The following CCDC102B variants were observed in gnomAD, a reference collection of about 807,000 sequenced individuals.
The protein encoded by CCDC102B is coiled-coil domain containing 102B.
CCDC102B carries 75 observed loss-of-function variants against 57.4 expected under a neutral mutation model. The ratio of observed to expected loss-of-function variants is 1.31; its 90% CI spans 1.08 to 1.58. The LOEUF (loss-of-function observed/expected upper bound fraction) is 1.58. Ranked by LOEUF, CCDC102B falls within the 40% of genes most tolerant of loss-of-function variation. The pLI is 0.00. For missense variants in CCDC102B, 636 were observed against 582.6 expected (o/e 1.09, Z -0.94); for synonymous variants, 206 against 201.9 (o/e 1.02, Z -0.17).
intron 6 of CCDC102B, among the ~76,000 whole-genome samples, chr18:68,939,701 C>A (rs1281428714): frequency 1.3e-5 from 2 of 151,726 alleles, no homozygotes; most frequent in African/African-American, 4.8e-5. Flanking sequence ...CAATTTTTTT[C>A]ATTGTATTTT....
At chr18:68,764,494 A>G (rs900235169) in intron 2 of CCDC102B, among the ~76,000 whole-genome samples, 1 of 152,146 alleles carries the variant, frequency 6.6e-6, no homozygotes, top group Non-Finnish European at 1.5e-5. Flanking sequence ...TTTAAATTCC[A>G]AAGTTCTTTA....
intron 7 of CCDC102B, among the ~76,000 whole-genome samples, chr18:69,048,247 C>A (rs2052615882): frequency 6.6e-6 from 1 of 150,794 alleles, no homozygotes. Flanking sequence ...AGTAGGTATA[C>A]AGGTGAGAAG....
chr18:68,983,981 T>C (rs763183178), intron 6 of CCDC102B, among the ~76,000 whole-genome samples: 12 of 151,748 alleles, frequency 7.9e-5, no homozygotes, highest in Non-Finnish European at 1.6e-4. Flanking sequence ...CAAAAGAAAT[T>C]TGGAAGGAGT....
chr18:68,816,686 G>A (rs1180562452), intron 1 of CCDC102B, among the ~76,000 whole-genome samples: 3 of 151,940 alleles, frequency 2.0e-5, no homozygotes, highest in Non-Finnish European at 2.9e-5. Context: ...GGATGGTCTC[G>A]ATAACCTGAC....
intron 6 of CCDC102B, among the ~76,000 whole-genome samples, chr18:68,911,612 C>T (rs371946537): frequency 0.032 from 4,761 of 149,404 alleles, 113 homozygotes; most frequent in Middle Eastern, 0.044. Context: ...ATTAGCCGGG[C>T]GTGGTGGCGG....
intron 6 of CCDC102B, among the ~76,000 whole-genome samples, chr18:68,998,558 A>G (rs992615635): frequency 4.0e-5 from 6 of 148,388 alleles, no homozygotes; most frequent in Non-Finnish European, 8.9e-5. Context: ...CTGCAAGCTG[A>G]GGAGCAAGGA....
chr18:68,835,942 A>G (rs2037348091), intron 1 of CCDC102B, among the ~76,000 whole-genome samples: 1 of 152,182 alleles, frequency 6.6e-6, no homozygotes, highest in Admixed American at 6.5e-5. Flanking sequence ...AGACTAGTCA[A>G]TAGTCAACAG....
downstream of CCDC102B, chr18:69,055,193 C>T (rs1599913362): frequency 1.0e-6 from 1 of 952,744 alleles, no homozygotes; most frequent in Admixed American, 6.2e-5. Flanking sequence ...CAGAGTCTCT[C>T]ATTGTAAAAG....
chr18:68,810,676 CTT>C (rs1171476369), intron 1 of CCDC102B, among the ~76,000 whole-genome samples: 1 of 57,436 alleles, frequency 1.7e-5, no homozygotes, highest in Non-Finnish European at 4.1e-5. Context: ...CTTTTCTTTT[CTT>C]TGTTTTTTTT....
At chr18:68,945,039 G>C (rs1240249420) in intron 6 of CCDC102B, among the ~76,000 whole-genome samples, 1 of 151,536 alleles carries the variant, frequency 6.6e-6, no homozygotes, top group East Asian at 2.0e-4. Flanking sequence ...ACAGATGCCA[G>C]CGTGTTATCT....
chr18:69,050,323 T>C (rs1057332592), intron 7 of CCDC102B, among the ~76,000 whole-genome samples: 3 of 152,204 alleles, frequency 2.0e-5, no homozygotes, highest in African/African-American at 7.2e-5. Context: ...TCATTTCTGC[T>C]TCATCTTAGT....
chr18:69,042,282 A>G (rs765658096), intron 7 of CCDC102B, among the ~76,000 whole-genome samples: 21 of 152,150 alleles, frequency 1.4e-4, no homozygotes, highest in Non-Finnish European at 2.5e-4. Flanking sequence ...AAACTGGCAG[A>G]TGAAAAACTT....
rs757716714 is a variant in CCDC102B at position 69,054,094 on chromosome 18, A to G, written c.1499A>G (p.Asn500Ser). Residue 500 changes from asparagine to serine, a missense_variant, in exon 8 of 8, where the codon AAT becomes AGT. Physicochemically the swap from Asn to Ser is conservative, Grantham distance 46. Coordinates refer to ENST00000360242, the MANE Select transcript of CCDC102B (RefSeq NM_024781.3). The part of the protein sequence containing the change: ...QRSLDEEKER[N>S]ENLETELRHL... ...TCTCTGGATGAAGAGAAAGAAAGAA[A>G]TGAAAACTTAGAGACTGAACTCAGG... 1.9e-6 allele frequency: 3 copies of G among 1,607,674 alleles called. No homozygotes were observed. The highest frequency in any genetic ancestry group is 2.5e-6 in the Non-Finnish European group (3 of 1,178,276).
intron 2 of CCDC102B, among the ~76,000 whole-genome samples, chr18:68,752,733 T>G (rs1289134880): frequency 1.3e-5 from 2 of 152,204 alleles, no homozygotes; most frequent in African/African-American, 4.8e-5. Context: ...TATGTTACAA[T>G]TTTTCATCCC....
intron 4 of CCDC102B, among the ~76,000 whole-genome samples, chr18:68,863,322 G>C: frequency 6.6e-6 from 1 of 151,638 alleles, no homozygotes; most frequent in East Asian, 1.9e-4. Context: ...TCTATCCTCT[G>C]TGTCTCCTAC....
At chr18:68,899,480 C>A (rs2040362376) in intron 6 of CCDC102B, among the ~76,000 whole-genome samples, 1 of 151,472 alleles carries the variant, frequency 6.6e-6, no homozygotes, top group African/African-American at 2.4e-5. Context: ...TATATATGTA[C>A]AGAAATTCCA....
intron 7 of CCDC102B, among the ~76,000 whole-genome samples, chr18:69,051,026 A>C (rs1168701019): frequency 1.3e-5 from 2 of 152,056 alleles, no homozygotes; most frequent in Non-Finnish European, 2.9e-5. Flanking sequence ...CTGAGACTAC[A>C]GGCACGTGCC....
intron 2 of CCDC102B, among the ~76,000 whole-genome samples, chr18:68,732,564 C>A (rs1371549662): frequency 6.6e-6 from 1 of 151,990 alleles, no homozygotes; most frequent in Non-Finnish European, 1.5e-5. Context: ...CCAGGCTGGT[C>A]TTGAACTCCT....
At chr18:68,761,569 T>G (rs1304434417) in intron 2 of CCDC102B, among the ~76,000 whole-genome samples, 1 of 151,572 alleles carries the variant, frequency 6.6e-6, no homozygotes, top group African/African-American at 2.4e-5. Context: ...TTTAGAAATT[T>G]TGTACCTTCC....
Sources: gnomAD v4.1 joint callset for allele counts (sites outside exome capture counted in the v4.1 genomes callset) on GRCh38, gnomAD v4.1.1 for gene constraint, MANE v1.5 for transcripts, NCBI Gene and HGNC (gene_info 2026-07-23, HGNC 2026-07-21) for gene names.